Variants in ZNF804A observed in about 807,000 individuals in gnomAD.
ZNF804A encodes zinc finger protein 804A.
ZNF804A carries 2 observed loss-of-function variants against 16.5 expected under a neutral mutation model. That is an observed-to-expected ratio of 0.12 (90% confidence interval 0.05 to 0.38). The LOEUF (loss-of-function observed/expected upper bound fraction) is 0.38. Among genes scored for constraint, ZNF804A ranks in the 10% least tolerant of loss-of-function variants. The pLI, the probability that ZNF804A is intolerant of heterozygous loss-of-function variation, is 0.99. For synonymous variants in ZNF804A, 534 were observed against 489.6 expected (o/e 1.09, Z -1.20); for missense variants, 1,473 against 1,390.7 (o/e 1.06, Z -0.94).
intron 1 of ZNF804A, among the ~76,000 whole-genome samples, chr2:184,737,655 C>T (rs1022233783): frequency 1.3e-5 from 2 of 151,950 alleles, no homozygotes; most frequent in Non-Finnish European, 2.9e-5. Flanking sequence ...TTATATTTGT[C>T]TATGCCATTC....
intron 1 of ZNF804A, among the ~76,000 whole-genome samples, chr2:184,817,446 T>C (rs1574226113): frequency 6.6e-6 from 1 of 151,666 alleles, no homozygotes. Context: ...CCCACAAGGA[T>C]AAGAAAGAAT....
intron 1 of ZNF804A, among the ~76,000 whole-genome samples, chr2:184,611,944 T>C (rs1245079981): frequency 6.6e-6 from 1 of 152,214 alleles, no homozygotes; most frequent in Non-Finnish European, 1.5e-5. Context: ...GATGACCAAT[T>C]ATATCTTCAT....
At chr2:184,863,514 GA>G (rs540045065) in intron 1 of ZNF804A, among the ~76,000 whole-genome samples, 13 of 149,910 alleles carry the variant, frequency 8.7e-5, no homozygotes, top group Admixed American at 4.6e-4. Context: ...TGGGTAAACA[GA>G]AACCAATTAT....
At chr2:184,788,712 A>T (rs1429995370) in intron 1 of ZNF804A, among the ~76,000 whole-genome samples, 1 of 152,114 alleles carries the variant, frequency 6.6e-6, no homozygotes, top group Non-Finnish European at 1.5e-5. Context: ...GAAGTCAATC[A>T]TCAGGTGTAG....
intron 1 of ZNF804A, among the ~76,000 whole-genome samples, chr2:184,791,786 C>T (rs1031424312): frequency 4.6e-5 from 7 of 152,056 alleles, no homozygotes; most frequent in African/African-American, 7.2e-5. Flanking sequence ...CATGTATCCA[C>T]GGTAATAGTA....
intron 1 of ZNF804A, among the ~76,000 whole-genome samples, chr2:184,714,808 G>T (rs1400895575): frequency 6.6e-6 from 1 of 152,026 alleles, no homozygotes; most frequent in Non-Finnish European, 1.5e-5. Flanking sequence ...TAGTTTTGGA[G>T]AATATTTTAA....
chr2:184,900,790 A>G (rs1405117976), intron 2 of ZNF804A, among the ~76,000 whole-genome samples: 1 of 152,168 alleles, frequency 6.6e-6, no homozygotes, highest in African/African-American at 2.4e-5. Flanking sequence ...AGAAAAGTCC[A>G]TCAGATCCTC....
intron 2 of ZNF804A, among the ~76,000 whole-genome samples, chr2:184,895,792 G>A (rs1020525806): frequency 6.6e-6 from 1 of 152,128 alleles, no homozygotes; most frequent in Non-Finnish European, 1.5e-5. Context: ...AAGTAAATTT[G>A]CAGTAAATCT....
At chr2:184,859,038 C>G (rs1695749315) in intron 1 of ZNF804A, among the ~76,000 whole-genome samples, 1 of 152,108 alleles carries the variant, frequency 6.6e-6, no homozygotes, top group Non-Finnish European at 1.5e-5. Flanking sequence ...TTTATTGGCC[C>G]TCCTTTATAT....
At chr2:184,788,148 T>C (rs918625124) in intron 1 of ZNF804A, among the ~76,000 whole-genome samples, 1 of 152,048 alleles carries the variant, frequency 6.6e-6, no homozygotes, top group African/African-American at 2.4e-5. Context: ...CATTTTGTTT[T>C]AGGTATGTGG....
chr2:184,930,669 G>A (rs1685683865), intron 2 of ZNF804A, among the ~76,000 whole-genome samples: 1 of 152,148 alleles, frequency 6.6e-6, no homozygotes, highest in Non-Finnish European at 1.5e-5. Context: ...TTTATTCATA[G>A]TGATGAACTT....
chr2:184,901,913 C>T (rs1372561309), intron 2 of ZNF804A, among the ~76,000 whole-genome samples: 3 of 151,724 alleles, frequency 2.0e-5, no homozygotes, highest in African/African-American at 7.3e-5. Flanking sequence ...TCACATGACG[C>T]TTTCTTATTT....
intron 2 of ZNF804A, among the ~76,000 whole-genome samples, chr2:184,896,009 T>A (rs1685059089): frequency 6.6e-6 from 1 of 152,200 alleles, no homozygotes. Context: ...TATAAACATA[T>A]ATGAATAAAA....
chr2:184,881,237 A>G (rs1361482360), intron 2 of ZNF804A, among the ~76,000 whole-genome samples: 5 of 152,110 alleles, frequency 3.3e-5, no homozygotes, highest in African/African-American at 7.2e-5. Context: ...ATAAAGGGGA[A>G]TGAATGACAC....
intron 1 of ZNF804A, among the ~76,000 whole-genome samples, chr2:184,827,152 A>G (rs1429187749): frequency 1.3e-5 from 2 of 151,794 alleles, no homozygotes; most frequent in Admixed American, 6.6e-5. Context: ...AATGGTCAGC[A>G]TATTTAACTA....
At chr2:184,874,058 T>C (rs1015114068) in intron 2 of ZNF804A, among the ~76,000 whole-genome samples, 2 of 152,114 alleles carry the variant, frequency 1.3e-5, no homozygotes, top group Non-Finnish European at 2.9e-5. Flanking sequence ...TAGGTAGGTG[T>C]TTCATGAAAG....
At chr2:184,724,228 T>C (rs1693365830) in intron 1 of ZNF804A, among the ~76,000 whole-genome samples, 2 of 151,666 alleles carry the variant, frequency 1.3e-5, no homozygotes, top group South Asian at 4.1e-4. Context: ...TCTTAAAAGA[T>C]GGAAGAAGAA....
intron 1 of ZNF804A, among the ~76,000 whole-genome samples, chr2:184,695,138 GAGAT>G (rs1466126437): frequency 1.3e-5 from 2 of 152,108 alleles, no homozygotes; most frequent in Non-Finnish European, 2.9e-5. Flanking sequence ...AATATGTAGA[GAGAT>G]AGAGATTATC....
rs1685775090 is a variant in ZNF804A at position 184,935,832 on chromosome 2, G to T, written c.436G>T (p.Glu146Ter). Residue 146 changes from glutamate (E) to a stop codon, truncating the protein, a stop_gained, in exon 4 of 4, where the codon GAA becomes TAA. Coordinates refer to ENST00000302277, the MANE Select transcript of ZNF804A (RefSeq NM_194250.2). LOFTEE classifies it low-confidence loss of function (END_TRUNC). Reference protein sequence around the residue: ...MFKSTTVTVRENCNEISQRVV... With the variant: ...MFKSTTVTVR ...CAAATCAACAACTGTTACTGTGAGAGAAAACTGTAATGAAATTTCCCAACG... is the reference window on the plus strand; with the variant it reads ...CAAATCAACAACTGTTACTGTGAGATAAAACTGTAATGAAATTTCCCAACG... The T allele has an allele frequency of 6.2e-7, 1 of 1,613,226 alleles. No homozygotes were observed. Among genetic ancestry groups the T allele is most frequent in the Non-Finnish European group, 8.5e-7 (1 of 1,179,604 alleles).
Sources: allele counts gnomAD v4.1 joint callset (sites outside exome capture counted in the v4.1 genomes callset), GRCh38; gene constraint gnomAD v4.1.1; transcripts MANE v1.5; gene names NCBI Gene and HGNC (gene_info 2026-07-23, HGNC 2026-07-21).